Variants in ZNF646 observed in about 807,000 individuals in gnomAD.
ZNF646 encodes the protein zinc finger protein 646.
In ZNF646, 49 loss-of-function variants were observed where a neutral mutation model predicts 115.4. That is an observed-to-expected ratio of 0.42 (90% confidence interval 0.34 to 0.54). The LOEUF is 0.54. Ranked by LOEUF, ZNF646 falls within the 20% of genes least tolerant of loss-of-function variation. The pLI, the probability that ZNF646 is intolerant of heterozygous loss-of-function variation, is 0.04. For synonymous variants in ZNF646, 933 were observed against 939.0 expected, an observed-to-expected ratio of 0.99 and a Z score of 0.12; for missense variants, 2,269 against 2,457.9, an observed-to-expected ratio of 0.92 and a Z score of 1.62.
rs139201990 is a variant in ZNF646 at position 31,080,418 on chromosome 16, G to A, written c.4094G>A (p.Arg1365His). The A allele has an allele frequency of 2.0e-5, 33 of 1,613,112 alleles. No individual in the cohort carries two copies. Among genetic ancestry groups the A allele is most frequent in the African/African-American group, 8.0e-5 (6 of 74,952 alleles). Residue 1365 changes from arginine to histidine, a missense_variant, in exon 2 of 3, where the codon CGT (arginine) becomes CAT (histidine). Physicochemically the swap from Arg to His is conservative, Grantham distance 29. Coordinates refer to ENST00000300850, the MANE Select transcript of ZNF646 (RefSeq NM_014699.4). ...GGACGGTCCAGGCGCACAGCTGTGC[G>A]TTGCGCCCTCTGTGGCCGCAGCTTC... is the stretch of plus-strand genomic sequence containing the variant. ...RAGRSRRTAV[R>H]CALCGRSFPG...
chr16:31,079,489 C>A lies in ZNF646; in HGVS notation c.3165C>A (p.Asn1055Lys), dbSNP rs981939218. The part of the protein sequence containing the change: ...LEAQPRPFRC[N>K]QCGKTYRHGG... Reference sequence around the variant, plus strand: ...CTCAGCCCCGCCCCTTCCGCTGCAACCAGTGTGGCAAGACCTATCGCCATG... The same window carrying A: ...CTCAGCCCCGCCCCTTCCGCTGCAAACAGTGTGGCAAGACCTATCGCCATG... Residue 1055 changes from asparagine (N) to lysine (K), a missense_variant, in exon 2 of 3, where the codon AAC (asparagine) becomes AAA (lysine). Asn to Lys is a moderately conservative substitution (Grantham distance 94, BLOSUM62 0). Around this residue, in one of 5 missense-constraint regions of ZNF646, gnomAD observed 1,062 missense variants for 1,172.8 expected, o/e 0.91. Transcript: ENST00000300850. The surrounding 1 kb of genome is among the most constrained non-coding windows in gnomAD (Gnocchi z 5.5). The A allele has an allele frequency of 3.7e-6, 6 of 1,613,418 alleles. No homozygotes were observed. Among genetic ancestry groups the A allele is most frequent in the Non-Finnish European group, 5.1e-6 (6 of 1,179,910 alleles).
chr16:31,073,047 A>G (rs1014697616), upstream of ZNF646: 5 of 150,890 alleles, frequency 3.3e-5, no homozygotes, highest in African/African-American at 1.2e-4. Context: ...AAGCGCGCCG[A>G]GGAGCCGAGA....
Position 31,084,116 on chromosome 16 carries a change from T to C in ZNF646, c.*1024T>C, listed in dbSNP as rs1261334604. 3 of 1,571,176 alleles carry C rather than the reference T, an allele frequency of 1.9e-6. No homozygotes were observed. The highest frequency in any genetic ancestry group is 1.7e-6 in the Non-Finnish European group (2 of 1,159,062). ...TTTGGCAGGAGGCCCCGGGGCCACA[T>C]ACTTATGTTGGCCAGGCAGCTTCCA... On this transcript the variant is annotated 3_prime_UTR_variant, in exon 3 of 3. Coordinates refer to ENST00000300850, the MANE Select transcript of ZNF646 (RefSeq NM_014699.4).
At chr16:31,072,915 C>T (rs1203715470), upstream of ZNF646, 1 of 152,332 alleles carries the variant, frequency 6.6e-6, no homozygotes, top group Non-Finnish European at 1.5e-5. Context: ...CCCTAGTGCC[C>T]TCAGGAATAC....
Position 31,083,069 on chromosome 16 carries a change from G to T in ZNF646, c.5476G>T (p.Ala1826Ser). The change falls in exon 3 of 3, where the codon GCA (alanine) becomes TCA (serine). Residue 1826 changes from alanine to serine, a missense_variant. Ala to Ser is a moderately conservative substitution (Grantham distance 99). Transcript: ENST00000300850. ...PLLDPSPQWP[A>S]DLSFSL The stretch of plus-strand genomic sequence containing the variant: ...CCTGGATCCTTCACCCCAGTGGCCT[G>T]CAGACCTCAGCTTCTCCCTCTGAAC... 1 of 1,602,988 alleles carries T rather than the reference G, an allele frequency of 6.2e-7. No homozygotes were observed. The highest frequency in any genetic ancestry group is 8.5e-7 in the Non-Finnish European group (1 of 1,175,872).
Position 31,078,195 on chromosome 16 carries a change from A to G in ZNF646, c.1871A>G (p.Lys624Arg), listed in dbSNP as rs2057103249. 4 of 1,614,128 alleles carry G rather than the reference A, an allele frequency of 2.5e-6. No homozygotes were observed. The highest frequency in any genetic ancestry group is 3.4e-6 in the Non-Finnish European group (4 of 1,180,048). ...GCCTTTGCCTGCCGAGACTGTGGAA[A>G]GAGCTATCGCCACTCAGGCAGCCTT... ...PRAFACRDCG[K>R]SYRHSGSLIN... Residue 624 changes from lysine (K) to arginine (R), a missense_variant, in exon 2 of 3, where the codon AAG (lysine) becomes AGG (arginine). By Grantham distance (26) the Lys-to-Arg change is conservative. This residue lies in a region of ZNF646 where 852 missense variants were observed against 900.2 expected (regional missense o/e 0.95). Coordinates refer to ENST00000300850, the MANE Select transcript of ZNF646 (RefSeq NM_014699.4).
At position 31,080,087 on chromosome 16, in the gene ZNF646, C is replaced by T; in HGVS notation, c.3763C>T (p.Pro1255Ser). 1 of 1,613,216 alleles carries T rather than the reference C, an allele frequency of 6.2e-7. No individual in the cohort carries two copies. The highest frequency in any genetic ancestry group is 8.5e-7 in the Non-Finnish European group (1 of 1,179,892). ...LKNHRRIHAD[P>S]RRFRCSECGK... Reference sequence around the variant, plus strand: ...GAACCACCGGCGCATCCATGCAGATCCCCGACGTTTCCGCTGCAGCGAGTG... The same window carrying T: ...GAACCACCGGCGCATCCATGCAGATTCCCGACGTTTCCGCTGCAGCGAGTG... Residue 1255 changes from proline (P) to serine (S), a missense_variant, in exon 2 of 3, where the codon CCC becomes TCC. By Grantham distance (74) the Pro-to-Ser change is moderately conservative. Coordinates refer to ENST00000300850, the MANE Select transcript of ZNF646 (RefSeq NM_014699.4).
At position 31,077,508 on chromosome 16, in the gene ZNF646, G is replaced by A; in HGVS notation, c.1184G>A (p.Ser395Asn). Residue 395 changes from serine (S) to asparagine (N), a missense_variant, in exon 2 of 3, where the codon AGC becomes AAC. Coordinates refer to ENST00000300850, the MANE Select transcript of ZNF646 (RefSeq NM_014699.4). ...HAGSLINHRK[S>N]HQTGVYPCSL... The stretch of plus-strand genomic sequence containing the variant: ...GGGAGCCTCATCAACCATCGAAAGA[G>A]CCACCAGACAGGTGTCTACCCCTGC... 1 of 1,613,526 alleles carries A rather than the reference G, an allele frequency of 6.2e-7. No homozygotes were observed. Among genetic ancestry groups the A allele is most frequent in the Non-Finnish European group, 8.5e-7 (1 of 1,179,926 alleles).
In ZNF646 at chr16:31,083,640, G is replaced by A. The variant is rs1199761661; in HGVS notation, c.*548G>A. 2.0e-6 allele frequency: 3 copies of A among 1,526,240 alleles called. No individual in the cohort carries two copies. The highest frequency in any genetic ancestry group is 2.6e-6 in the Non-Finnish European group (3 of 1,133,656). The allele number at this position is 1,526,240 out of a possible 1,614,324, so 94.5% of individuals were successfully genotyped here. On this transcript the variant is annotated 3_prime_UTR_variant, in exon 3 of 3. Transcript: ENST00000300850. ...CCTGCAGGGTGGGGAGTGGGCACCT[G>A]TGGCCCCAGGCAGGTTCCTTCCCAC...
intron 2 of ZNF646, 64 bp downstream of exon 2, chr16:31,081,765 A>C: frequency 1.3e-6 from 2 of 1,484,460 alleles, no homozygotes; most frequent in Non-Finnish European, 9.0e-7. Context: ...TCCAGCCCCA[A>C]AGTCGGTGGG....
chr16:31,082,044 A>C (rs1596780505), intron 2 of ZNF646: 1 of 427,648 alleles, frequency 2.3e-6, no homozygotes, highest in Non-Finnish European at 4.3e-6. Context: ...GTGTCTGGAA[A>C]CCCTCCTGAG....
Position 31,076,272 on chromosome 16 carries a change from T to C in ZNF646, c.-53T>C. 2.6e-6 allele frequency: 4 copies of C among 1,549,852 alleles called. No homozygotes were observed. The highest frequency in any genetic ancestry group is 3.5e-6 in the Non-Finnish European group (4 of 1,144,232). On this transcript the variant is annotated 5_prime_UTR_variant, in exon 2 of 3. Transcript: ENST00000300850. ...CCTTGGCCCCTCCACCAGAGGAAGG[T>C]GCTGCCACGTGTCTGCTCCTTCTGA...
rs941276507 is a variant in ZNF646, at chr16:31,076,535, G to A, written c.211G>A (p.Glu71Lys). Residue 71 changes from glutamate to lysine, a missense_variant, in exon 2 of 3, where the codon GAG (glutamate) becomes AAG (lysine). Physicochemically the swap from Glu to Lys is moderately conservative, Grantham distance 56. Coordinates refer to ENST00000300850, the MANE Select transcript of ZNF646 (RefSeq NM_014699.4). ...GSLVNHRRTH[E>K]TGLFPCTTCG... ...CCTGGTTAACCATCGTCGGACCCAC[G>A]AGACTGGCCTTTTCCCCTGTACCAC... The A allele has an allele frequency of 3.1e-6, 5 of 1,612,606 alleles. No individual in the cohort carries two copies. The highest frequency in any genetic ancestry group is 1.3e-5 in the African/African-American group (1 of 74,944).
In ZNF646 at chr16:31,078,162, C is replaced by T. The variant is rs770979652; in HGVS notation, c.1838C>T (p.Pro613Leu). 10 of 1,614,034 alleles carry T rather than the reference C, an allele frequency of 6.2e-6. No homozygotes were observed. The highest frequency in any genetic ancestry group is 7.6e-6 in the Non-Finnish European group (9 of 1,180,018). Residue 613 changes from proline to leucine, a missense_variant, in exon 2 of 3, where the codon CCT becomes CTT. Around this residue, in one of 5 missense-constraint regions of ZNF646, gnomAD observed 852 missense variants for 900.2 expected, o/e 0.95. Transcript: ENST00000300850. ...ENSRTETTMS[P>L]PRAFACRDCG... is the part of the protein sequence containing the mutation. ...AGCAGAACAGAGACCACAATGTCAC[C>T]TCCTAGGGCCTTTGCCTGCCGAGAC...
Position 31,078,115 on chromosome 16 carries a change from T to C in ZNF646, c.1791T>C (p.His597=), listed in dbSNP as rs755382006. ...AESLERHGLT[H]GAGEKENSRT... is the part of the protein sequence containing the mutation. ...GCCTTGAACGTCATGGCCTGACTCATGGGGCAGGGGAAAAGGAAAATAGCA... is the reference window on the plus strand; with the variant it reads ...GCCTTGAACGTCATGGCCTGACTCACGGGGCAGGGGAAAAGGAAAATAGCA... Residue 597 remains histidine (H), a synonymous_variant, in exon 2 of 3, where the codon CAT becomes CAC. Coordinates refer to ENST00000300850, the MANE Select transcript of ZNF646 (RefSeq NM_014699.4). 10 of 1,614,028 alleles carry C rather than the reference T, an allele frequency of 6.2e-6. No individual in the cohort carries two copies. The highest frequency in any genetic ancestry group is 1.6e-4 in the Middle Eastern group (1 of 6,084).
chr16:31,077,914 C>G lies in ZNF646; in HGVS notation c.1590C>G (p.Pro530=), dbSNP rs550531713. Residue 530 remains proline (P), a synonymous_variant, in exon 2 of 3, where the codon CCC becomes CCG. Transcript: ENST00000300850. The part of the protein sequence containing the change: ...RSADIGAEGA[P]SHLKVELPPD... ...CAGACATCGGGGCTGAGGGTGCCCC[C>G]AGCCACCTCAAGGTAGAACTCCCGC... is the stretch of plus-strand genomic sequence containing the variant. 78 of 1,613,676 alleles carry G rather than the reference C, an allele frequency of 4.8e-5. 1 individual carries two copies. In the South Asian group the frequency reaches 8.0e-4, roughly 17 times the overall value.
rs562759559 is a variant in ZNF646 at position 31,077,663 on chromosome 16, G to A, written c.1339G>A (p.Glu447Lys). ...CCCACCAGCTCCCCTGCTGCTGGCT[G>A]AGACCACCCACAAAGAGGAAGAGGA... ...SVPPAPLLLA[E>K]TTHKEEEDPT... Residue 447 changes from glutamate to lysine, a missense_variant, in exon 2 of 3, where the codon GAG becomes AAG. By Grantham distance (56) the Glu-to-Lys change is moderately conservative (BLOSUM62 1). This residue lies in a region of ZNF646 where 852 missense variants were observed against 900.2 expected (regional missense o/e 0.95). Transcript: ENST00000300850. 6.2e-7 allele frequency: 1 copy of A among 1,614,076 alleles called. No homozygotes were observed. The highest frequency in any genetic ancestry group is 1.1e-5 in the South Asian group (1 of 91,080).
In ZNF646 at chr16:31,077,753, C is replaced by G; in HGVS notation, c.1429C>G (p.Arg477Gly). ...CSECGRAYRH[R>G]GSLVNHRHSH... ...TGAGTGTGGTCGTGCTTACCGCCAC[C>G]GGGGGAGCCTGGTGAACCATCGCCA... Residue 477 changes from arginine to glycine, a missense_variant, in exon 2 of 3, where the codon CGG (arginine) becomes GGG (glycine). This residue lies in a region of ZNF646 where 852 missense variants were observed against 900.2 expected (regional missense o/e 0.95). Coordinates refer to ENST00000300850, the MANE Select transcript of ZNF646 (RefSeq NM_014699.4). 1 of 1,613,994 alleles carries G rather than the reference C, an allele frequency of 6.2e-7. No individual in the cohort carries two copies. Among genetic ancestry groups the G allele is most frequent in the African/African-American group, 1.3e-5 (1 of 75,062 alleles).
chr16:31,081,429 G>A lies in ZNF646; in HGVS notation c.5105G>A (p.Gly1702Glu). The A allele has an allele frequency of 1.2e-6, 2 of 1,614,096 alleles. No homozygotes were observed. Among genetic ancestry groups the A allele is most frequent in the Non-Finnish European group, 1.7e-6 (2 of 1,179,962 alleles). Residue 1702 changes from glycine to glutamate, a missense_variant, in exon 2 of 3, where the codon GGG becomes GAG. Transcript: ENST00000300850. Reference sequence around the variant, plus strand: ...AACCACCAGAAGGCCCACACCACAGGGTTGTACCCGTGCTCCCTCTGTCCC... The same window carrying A: ...AACCACCAGAAGGCCCACACCACAGAGTTGTACCCGTGCTCCCTCTGTCCC... ...LLNHQKAHTT[G>E]LYPCSLCPKL...
Sources: allele counts gnomAD v4.1 joint callset, GRCh38; gene constraint gnomAD v4.1.1; regional missense constraint gnomAD v4.1.1; non-coding constraint Gnocchi (gnomAD v3.1); transcripts MANE v1.5; gene names NCBI Gene and HGNC (gene_info 2026-07-23, HGNC 2026-07-21).